Variants in MTR observed in about 807,000 individuals in gnomAD.
MTR encodes the protein methionine synthase.
A neutral mutation model predicts 154.8 loss-of-function variants in MTR; 84 were observed. The observed-to-expected ratio is 0.54, with a 90% CI of 0.45 to 0.65. The LOEUF (loss-of-function observed/expected upper bound fraction) is 0.65, where lower values mean the gene tolerates loss of function less well. MTR is among the 30% of genes least tolerant of loss of function. MTR has a pLI of 0.00. For missense variants in MTR, 1,275 were observed against 1,570.2 expected (o/e 0.81, Z 3.18); for synonymous variants, 554 against 553.9 (o/e 1.00, Z 0.00).
intron 1 of MTR, among the ~76,000 whole-genome samples, chr1:236,802,664 A>T (rs1290660734): frequency 6.6e-6 from 1 of 152,094 alleles, no homozygotes; most frequent in Non-Finnish European, 1.5e-5. Flanking sequence ...GTGAGGAGGA[A>T]AAGGATTTGG....
intron 15 of MTR, among the ~76,000 whole-genome samples, chr1:236,845,808 G>A (rs1036474322): frequency 1.1e-4 from 16 of 152,156 alleles, no homozygotes; most frequent in Non-Finnish European, 1.5e-5. Context: ...AAGTTAAGAA[G>A]CCAGCAATAC....
At chr1:236,861,097 C>CTTTTTTTTTTTTTTTTTTTCTTTTTG in intron 19 of MTR, 28 bp from the exon 20 acceptor site, 1 of 1,156,660 alleles carries the variant, frequency 8.6e-7, no homozygotes, top group Non-Finnish European at 1.2e-6. Context: ...CTTTCTTTTT[C>CTTTTTTTTTTTTTTTTTTTCTTTTTG]TTTTTTTTTT....
chr1:236,885,008 G>C (rs1665940237), intron 25 of MTR, 113 bp from the exon 26 acceptor site: 2 of 742,992 alleles, frequency 2.7e-6, no homozygotes, highest in Non-Finnish European at 4.8e-6. Flanking sequence ...AGTTGGTGAA[G>C]GGAGAAGAAA....
chr1:236,807,109 A>G (rs1173832766), intron 3 of MTR, among the ~76,000 whole-genome samples: 1 of 152,200 alleles, frequency 6.6e-6, no homozygotes, highest in East Asian at 1.9e-4. Context: ...ACAGAAGTTG[A>G]ATTGTTAGAT....
intron 27 of MTR, 35 bp downstream of exon 27, chr1:236,886,402 G>A (rs1441315103): frequency 6.3e-7 from 1 of 1,594,036 alleles, no homozygotes; most frequent in South Asian, 1.1e-5. Flanking sequence ...AAGACTGGGT[G>A]TGGTAACTGA....
intron 22 of MTR, among the ~76,000 whole-genome samples, chr1:236,868,016 T>C (rs1028430705): frequency 2.6e-5 from 4 of 152,224 alleles, no homozygotes; most frequent in African/African-American, 9.6e-5. Context: ...AGGTTTGAGA[T>C]GATTGGCCTA....
chr1:236,808,565 TA>T lies in MTR; in HGVS notation c.340-137del, dbSNP rs538774808. The T allele has an allele frequency of 4.0e-3, 3,460 of 869,242 alleles. 21 individuals are homozygous for T. Among genetic ancestry groups the T allele is most frequent in the Non-Finnish European group, 5.5e-3 (2,906 of 528,048 alleles). The allele number at this position is 869,242 out of a possible 1,614,324, so 53.8% of individuals were successfully genotyped here. A position where few individuals can be genotyped will look rare whatever the true frequency, so the allele number is the denominator to read the frequency against. ...TCTGGAGCTGATATGCCTGCTTGGC[TA>T]AGATTTCACTCAGACCTCAGATTAA... On this transcript the variant is annotated intron_variant, in intron 3 of 32. Transcript: ENST00000366577.
chr1:236,892,654 G>A (rs549410466), intron 29 of MTR, among the ~76,000 whole-genome samples: 2 of 152,248 alleles, frequency 1.3e-5, no homozygotes, highest in East Asian at 1.9e-4. Flanking sequence ...ATGCACTTAG[G>A]CTCAGTAAAT....
At chr1:236,833,730 C>T (rs893492427) in intron 13 of MTR, among the ~76,000 whole-genome samples, 2 of 152,224 alleles carry the variant, frequency 1.3e-5, no homozygotes, top group African/African-American at 4.8e-5. Flanking sequence ...TTGCCCAACT[C>T]ATACATCTTT....
At chr1:236,805,657 C>A (rs930894171) in intron 2 of MTR, among the ~76,000 whole-genome samples, 1 of 151,966 alleles carries the variant, frequency 6.6e-6, no homozygotes, top group African/African-American at 2.4e-5. Context: ...CCATGCCTGG[C>A]TAATTTTTCG....
intron 1 of MTR, among the ~76,000 whole-genome samples, chr1:236,802,708 A>T (rs1660762693): frequency 6.6e-6 from 1 of 152,078 alleles, no homozygotes; most frequent in African/African-American, 2.4e-5. Flanking sequence ...GGGACAGTAG[A>T]TGTTGGAAGT....
intron 18 of MTR, among the ~76,000 whole-genome samples, chr1:236,853,973 A>G (rs1235017040): frequency 1.3e-5 from 2 of 152,226 alleles, no homozygotes; most frequent in Non-Finnish European, 2.9e-5. Context: ...TAATCTGTTT[A>G]AGAGAATGAT....
At chr1:236,825,527 T>C in intron 10 of MTR, 128 bp downstream of exon 10, 1 of 966,976 alleles carries the variant, frequency 1.0e-6, no homozygotes, top group Non-Finnish European at 1.7e-6. Context: ...AAAGTTTAGC[T>C]ATCCCAAATT....
At chr1:236,797,745 G>C (rs1166080586) in intron 1 of MTR, among the ~76,000 whole-genome samples, 1 of 152,076 alleles carries the variant, frequency 6.6e-6, no homozygotes, top group Non-Finnish European at 1.5e-5. Flanking sequence ...GGTCACCTGA[G>C]GTCAGGAGTT....
chr1:236,844,314 A>G (rs956455227), intron 15 of MTR, among the ~76,000 whole-genome samples: 5 of 152,156 alleles, frequency 3.3e-5, no homozygotes, highest in Admixed American at 6.5e-5. Context: ...CAAGGAGATG[A>G]AAACTTTATT....
At chr1:236,804,646 T>C (rs1660876341) in intron 2 of MTR, among the ~76,000 whole-genome samples, 1 of 152,206 alleles carries the variant, frequency 6.6e-6, no homozygotes. Context: ...CAGTTTTTCT[T>C]GTTCTTTTAA....
intron 15 of MTR, among the ~76,000 whole-genome samples, chr1:236,849,292 C>T (rs2712829): frequency 0.28 from 41,999 of 152,112 alleles, 7,113 homozygotes; most frequent in Non-Finnish European, 0.37. Context: ...GCAAGACTGG[C>T]ATTCTATCTA....
At chr1:236,833,881 C>T (rs1662758468) in intron 13 of MTR, among the ~76,000 whole-genome samples, 1 of 152,194 alleles carries the variant, frequency 6.6e-6, no homozygotes, top group Non-Finnish European at 1.5e-5. Flanking sequence ...TATCTTATCT[C>T]CTGTCTGTTT....
At chr1:236,817,982 A>G (rs140198697) in intron 8 of MTR, among the ~76,000 whole-genome samples, 229 of 152,296 alleles carry the variant, frequency 1.5e-3, no homozygotes, top group African/African-American at 4.9e-3. Flanking sequence ...ACGTTTAACA[A>G]AAAAACTGAG....
Sources: gnomAD v4.1 joint callset for allele counts (sites outside exome capture counted in the v4.1 genomes callset) on GRCh38, gnomAD v4.1.1 for gene constraint, MANE v1.5 for transcripts, NCBI Gene and HGNC (gene_info 2026-07-23, HGNC 2026-07-21) for gene names.